Variants in TOP1 observed in about 807,000 individuals in gnomAD.
TOP1 encodes the protein DNA topoisomerase I.
A neutral mutation model predicts 111.1 loss-of-function variants in TOP1; 10 were observed. That is an observed-to-expected ratio of 0.09 (90% CI 0.06 to 0.15). TOP1 has a LOEUF of 0.15. Among genes scored for constraint, TOP1 ranks in the 10% least tolerant of loss-of-function variants. The probability of loss-of-function intolerance (pLI) is 1.00; values close to 1 mark genes in which losing one functional copy is unlikely to be tolerated. For synonymous variants in TOP1, 271 were observed against 302.9 expected, an observed-to-expected ratio of 0.89 and a Z score of 1.10; for missense variants, 474 against 926.7, an observed-to-expected ratio of 0.51 and a Z score of 6.34.
Position 41,028,894 on chromosome 20 carries a change from C to G in TOP1, c.-174C>G, listed in dbSNP as rs1053443973. The G allele has an allele frequency of 1.8e-6, 1 of 571,276 alleles. No individual in the cohort carries two copies. The highest frequency in any genetic ancestry group is 2.1e-5 in the South Asian group (1 of 48,778). 35.4% of individuals were successfully genotyped at this position (571,276 alleles called of 1,614,324 possible). A position where few individuals can be genotyped will look rare whatever the true frequency, so the allele number is the denominator to read the frequency against. Reference sequence around the variant, plus strand: ...CGCCCGCCCGGCAGTCAGGCAGCGTCGCCGCCGTGGTAGCAGCCTCAGCCG... The same window carrying G: ...CGCCCGCCCGGCAGTCAGGCAGCGTGGCCGCCGTGGTAGCAGCCTCAGCCG... On this transcript the variant is annotated 5_prime_UTR_variant, in exon 1 of 21. Transcript: ENST00000361337.
chr20:41,111,694 T>C (rs2034244632), intron 13 of TOP1, among the ~76,000 whole-genome samples: 1 of 149,364 alleles, frequency 6.7e-6, no homozygotes, highest in African/African-American at 2.5e-5. Context: ...GGACCACGGG[T>C]CCACGTCATA....
At chr20:41,073,903 A>G (rs568702715) in intron 3 of TOP1, among the ~76,000 whole-genome samples, 3 of 152,192 alleles carry the variant, frequency 2.0e-5, no homozygotes, top group Admixed American at 6.5e-5. Context: ...TATAGATGCA[A>G]TTGTTCCCAG....
At chr20:41,113,620 GTAATCCCAGCACT>G (rs1279219184) in intron 14 of TOP1, among the ~76,000 whole-genome samples, 7 of 151,204 alleles carry the variant, frequency 4.6e-5, no homozygotes, top group Non-Finnish European at 1.5e-5. Flanking sequence ...GCTCACGCCT[GTAATCCCAGCACT>G]TTGGGAGGCC....
Position 41,083,418 on chromosome 20 carries a change from C to A in TOP1, c.508-1044C>A, listed in dbSNP as rs2033811976. On this transcript the variant is annotated intron_variant, in intron 7 of 20. Coordinates refer to ENST00000361337, the MANE Select transcript of TOP1 (RefSeq NM_003286.4). This position sits in a 1 kb window ranked among gnomAD's most constrained non-coding sequence, Gnocchi z 7.2. ...TTGATTGCCATCCTATTATGAGGAT[C>A]TAAAATGTTTATTCCAGTTATTCCC... 6.6e-6 allele frequency among the ~76,000 whole-genome samples: 1 copy of A among 152,132 alleles called. No homozygotes were observed. Among genetic ancestry groups the A allele is most frequent in the Non-Finnish European group, 1.5e-5 (1 of 68,008 alleles).
rs1456779914 is a variant in TOP1, at chr20:41,032,732, A to G, written c.58+3277A>G. On this transcript the variant is annotated intron_variant, in intron 2 of 20. Transcript: ENST00000361337. This position sits in a 1 kb window ranked among gnomAD's most constrained non-coding sequence, Gnocchi z 4.3. Reference sequence around the variant, plus strand: ...GGTTGGCTTAATGGAATCAAATTGGATGAAGGTAATTAAATATGAATTGTT... The same window carrying G: ...GGTTGGCTTAATGGAATCAAATTGGGTGAAGGTAATTAAATATGAATTGTT... Among the ~76,000 whole-genome samples the G allele has an allele frequency of 2.0e-5, 3 of 152,220 alleles. No homozygotes were observed. Among genetic ancestry groups the G allele is most frequent in the Admixed American group, 1.3e-4 (2 of 15,280 alleles).
chr20:41,052,128 T>C (rs2033413175), intron 2 of TOP1, among the ~76,000 whole-genome samples: 2 of 152,208 alleles, frequency 1.3e-5, no homozygotes, highest in Non-Finnish European at 2.9e-5. Flanking sequence ...ACCACTGATT[T>C]ATGCTACCTT....
rs2034367399 is a variant in TOP1 at position 41,118,367 on chromosome 20, C to T, written c.1950+71C>T. 6.3e-7 allele frequency: 1 copy of T among 1,579,308 alleles called. No individual in the cohort carries two copies. Among genetic ancestry groups the T allele is most frequent in the Non-Finnish European group, 8.7e-7 (1 of 1,154,956 alleles). ...TATCTGCGAATGAGAGGATTCAGGGCTGAGATATCAGCAGGCCAGTGCTGG... is the reference window on the plus strand; with the variant it reads ...TATCTGCGAATGAGAGGATTCAGGGTTGAGATATCAGCAGGCCAGTGCTGG... On this transcript the variant is annotated intron_variant, in intron 18 of 20. Coordinates refer to ENST00000361337, the MANE Select transcript of TOP1 (RefSeq NM_003286.4). This position sits in a 1 kb window ranked among gnomAD's most constrained non-coding sequence, Gnocchi z 4.6.
intron 9 of TOP1, among the ~76,000 whole-genome samples, chr20:41,093,354 C>T (rs1405830080): frequency 6.6e-6 from 1 of 152,120 alleles, no homozygotes; most frequent in Non-Finnish European, 1.5e-5. Context: ...GCTTATGACT[C>T]ACCAAAGTGG....
intron 4 of TOP1, among the ~76,000 whole-genome samples, chr20:41,076,683 G>A (rs2033731183): frequency 6.6e-6 from 1 of 152,180 alleles, no homozygotes; most frequent in African/African-American, 2.4e-5. Flanking sequence ...ACCAGTGCAA[G>A]CCTTCTAAAA....
chr20:41,043,609 G>T (rs375057690), intron 2 of TOP1, among the ~76,000 whole-genome samples: 1 of 152,322 alleles, frequency 6.6e-6, no homozygotes, highest in East Asian at 1.9e-4. Flanking sequence ...GGTTGAATTA[G>T]TAATAGGATA....
rs772923425 is a variant in TOP1, at chr20:41,098,177, G to T, written c.853-38G>T. The T allele has an allele frequency of 3.1e-6, 5 of 1,609,118 alleles. No individual in the cohort carries two copies. The South Asian group carries it at 5.5e-5, about 18-fold the overall frequency. On this transcript the variant is annotated intron_variant, in intron 10 of 20. Coordinates refer to ENST00000361337, the MANE Select transcript of TOP1 (RefSeq NM_003286.4). This position sits in a 1 kb window ranked among gnomAD's most constrained non-coding sequence, Gnocchi z 5.7. ...CCCAAGGACTTATTAGTGTATTTTC[G>T]TTGTTTTTCTTTCATCTCCCCATTT...
intron 2 of TOP1, among the ~76,000 whole-genome samples, chr20:41,042,929 C>A (rs1422031197): frequency 1.3e-5 from 2 of 152,224 alleles, no homozygotes; most frequent in African/African-American, 4.8e-5. Context: ...ATCATAAAAG[C>A]CTTCATCCTC....
chr20:41,118,371 G>T lies in TOP1; in HGVS notation c.1950+75G>T. The T allele has an allele frequency of 6.4e-7, 1 of 1,559,978 alleles. No individual in the cohort carries two copies. Among genetic ancestry groups the T allele is most frequent in the East Asian group, 2.3e-5 (1 of 44,352 alleles). On this transcript the variant is annotated intron_variant, in intron 18 of 20. Coordinates refer to ENST00000361337, the MANE Select transcript of TOP1 (RefSeq NM_003286.4). The surrounding 1 kb of genome is among the most constrained non-coding windows in gnomAD (Gnocchi z 4.6). ...TGCGAATGAGAGGATTCAGGGCTGA[G>T]ATATCAGCAGGCCAGTGCTGGGTCT...
Position 41,106,146 on chromosome 20 carries a change from T to C in TOP1, c.1308+4793T>C, listed in dbSNP as rs1037794813. On this transcript the variant is annotated intron_variant, in intron 13 of 20. Coordinates refer to ENST00000361337, the MANE Select transcript of TOP1 (RefSeq NM_003286.4). The surrounding 1 kb of genome is among the most constrained non-coding windows in gnomAD (Gnocchi z 4.3). ...AGTAAACTGTTGTCACAGAACTATTTAGTTGTATTACCTCCTCTCTTGTAT... is the reference window on the plus strand; with the variant it reads ...AGTAAACTGTTGTCACAGAACTATTCAGTTGTATTACCTCCTCTCTTGTAT... Among the ~76,000 whole-genome samples, 4 of 152,226 alleles carry C rather than the reference T, an allele frequency of 2.6e-5. No homozygotes were observed. The highest frequency in any genetic ancestry group is 9.6e-5 in the African/African-American group (4 of 41,462).
Position 41,098,145 on chromosome 20 carries a change from A to G in TOP1, c.853-70A>G. On this transcript the variant is annotated intron_variant, in intron 10 of 20. Coordinates refer to ENST00000361337, the MANE Select transcript of TOP1 (RefSeq NM_003286.4). The surrounding 1 kb of genome is among the most constrained non-coding windows in gnomAD (Gnocchi z 5.7). ...AAAAATGGTGCTTGGGTGTATTTGC[A>G]AAGAAACCCAAGGACTTATTAGTGT... The G allele has an allele frequency of 6.5e-7, 1 of 1,545,230 alleles. No individual in the cohort carries two copies. The highest frequency in any genetic ancestry group is 1.7e-5 in the Admixed American group (1 of 59,072).
chr20:41,073,073 T>C, intron 3 of TOP1: 1 of 985,410 alleles, frequency 1.0e-6, no homozygotes, highest in Non-Finnish European at 1.2e-6. Context: ...GACTTTTGGC[T>C]TCCTGGCAAA....
Position 41,077,566 on chromosome 20 carries a change from T to G in TOP1, c.280-16T>G. 2 of 1,612,176 alleles carry G rather than the reference T, an allele frequency of 1.2e-6. No individual in the cohort carries two copies. The highest frequency in any genetic ancestry group is 1.7e-6 in the Non-Finnish European group (2 of 1,178,200). On this transcript the variant is annotated splice_polypyrimidine_tract_variant and intron_variant, in intron 4 of 20. Coordinates refer to ENST00000361337, the MANE Select transcript of TOP1 (RefSeq NM_003286.4). ...AGTCCTTTCAAGGTACTAGTTACTG[T>G]TGTTTTACTTTTCAGGTTCGAGCCT...
rs1210216655 is a variant in TOP1 at position 41,030,929 on chromosome 20, T to G, written c.58+1474T>G. Among the ~76,000 whole-genome samples, 1 of 152,208 alleles carries G rather than the reference T, an allele frequency of 6.6e-6. No individual in the cohort carries two copies. The highest frequency in any genetic ancestry group is 6.5e-5 in the Admixed American group (1 of 15,278). ...CCACTGTGCTTGGTGCTAGAGCTGA[T>G]CCTGTAACCATAACACTCCCTTGCT... On this transcript the variant is annotated intron_variant, in intron 2 of 20. Transcript: ENST00000361337. This position sits in a 1 kb window ranked among gnomAD's most constrained non-coding sequence, Gnocchi z 4.1.
At position 41,032,081 on chromosome 20, in the gene TOP1, T is replaced by C. The variant is rs2033126971; in HGVS notation, c.58+2626T>C. Among the ~76,000 whole-genome samples the C allele has an allele frequency of 6.6e-6, 1 of 152,222 alleles. No homozygotes were observed. The highest frequency in any genetic ancestry group is 6.5e-5 in the Admixed American group (1 of 15,286). The stretch of plus-strand genomic sequence containing the variant: ...AAAAGTAGAAATCAATGTTTAATTA[T>C]GCCCAGACATGTCATTATTGAACTT... On this transcript the variant is annotated intron_variant, in intron 2 of 20. Transcript: ENST00000361337. The surrounding 1 kb of genome is among the most constrained non-coding windows in gnomAD (Gnocchi z 4.3).
Sources: gnomAD v4.1 joint callset for allele counts (sites outside exome capture counted in the v4.1 genomes callset) on GRCh38, gnomAD v4.1.1 for gene constraint, Gnocchi (gnomAD v3.1) non-coding constraint, MANE v1.5 for transcripts, NCBI Gene and HGNC (gene_info 2026-07-23, HGNC 2026-07-21) for gene names.